Variants in PSMA1 observed in about 807,000 individuals in gnomAD.
PSMA1 encodes the protein proteasome subunit alpha type-1.
Under a neutral mutation model 38.4 loss-of-function variants are expected in PSMA1, and 3 were observed. That is an observed-to-expected ratio of 0.08 (90% CI 0.04 to 0.20). The LOEUF is 0.20. Among genes scored for constraint, PSMA1 ranks in the 10% least tolerant of loss-of-function variants. The probability of loss-of-function intolerance (pLI) is 1.00; values close to 1 mark genes in which losing one functional copy is unlikely to be tolerated. For synonymous variants in PSMA1, 101 were observed against 107.1 expected, an observed-to-expected ratio of 0.94 and a Z score of 0.35; for missense variants, 227 against 325.3, an observed-to-expected ratio of 0.70 and a Z score of 2.32.
chr11:14,624,417 G>C (rs1852886790), intron 1 of PSMA1, among the ~76,000 whole-genome samples: 1 of 152,136 alleles, frequency 6.6e-6, no homozygotes, highest in African/African-American at 2.4e-5. Flanking sequence ...ATCAGCAGGA[G>C]GAACACAATG....
intron 2 of PSMA1, among the ~76,000 whole-genome samples, chr11:14,529,026 C>A (rs1338132819): frequency 6.6e-6 from 1 of 151,696 alleles, no homozygotes; most frequent in Non-Finnish European, 1.5e-5. Context: ...TCACACAAAG[C>A]CTGTTTGGTG....
At chr11:14,642,358 G>A (rs1250000670) in intron 1 of PSMA1, among the ~76,000 whole-genome samples, 1 of 150,210 alleles carries the variant, frequency 6.7e-6, no homozygotes, top group Non-Finnish European at 1.5e-5. Context: ...TTGTCATGGG[G>A]ATAAAATGAC....
Position 14,608,130 on chromosome 11 carries a change from T to C in PSMA1, c.21+2836A>G, listed in dbSNP as rs570499369. 3.3e-5 allele frequency among the ~76,000 whole-genome samples: 5 copies of C among 152,174 alleles called. No homozygotes were observed. The East Asian group carries it at 5.8e-4, about 18-fold the overall frequency. On this transcript the variant is annotated intron_variant, in intron 2 of 10. Coordinates refer to the PSMA1 transcript ENST00000418988. ...ACTTTGGGAGGCTGAGGTGGAAGGA[T>C]CACTGAGGCCAGGAGTTTGAGACCA...
chr11:14,601,441 C>T (rs990247076), intron 2 of PSMA1, among the ~76,000 whole-genome samples: 5 of 152,170 alleles, frequency 3.3e-5, no homozygotes, highest in Non-Finnish European at 5.9e-5. Context: ...CAAAGGCTGC[C>T]GTTCTTCCAC....
chr11:14,627,499 G>A (rs117953880), intron 1 of PSMA1, among the ~76,000 whole-genome samples: 2,364 of 152,204 alleles, frequency 0.016, 34 homozygotes, highest in Non-Finnish European at 0.021. Context: ...CTGTTATAAC[G>A]GAAAGCACAT....
intron 2 of PSMA1, among the ~76,000 whole-genome samples, chr11:14,562,629 T>C (rs1852022704): frequency 7.0e-6 from 1 of 143,192 alleles, no homozygotes; most frequent in Non-Finnish European, 1.5e-5. Flanking sequence ...TTCATGAGCA[T>C]TTTTTTTTTT....
chr11:14,568,892 T>C lies in PSMA1; in HGVS notation c.21+42074A>G, dbSNP rs1369736882. Among the ~76,000 whole-genome samples, 3 of 152,170 alleles carry C rather than the reference T, an allele frequency of 2.0e-5. No individual in the cohort carries two copies. The East Asian group carries it at 5.8e-4, about 29-fold the overall frequency. ...CTGAATCTCACCTGTGTGCCACAAC[T>C]GGAGCTGAAGCAGCTGAGACACAGG... On this transcript the variant is annotated intron_variant, in intron 2 of 10. Coordinates refer to the PSMA1 transcript ENST00000418988.
chr11:14,605,535 C>G (rs1428231037), intron 2 of PSMA1, among the ~76,000 whole-genome samples: 1 of 152,072 alleles, frequency 6.6e-6, no homozygotes, highest in Non-Finnish European at 1.5e-5. Flanking sequence ...AGGCATGCAA[C>G]ACCATGCCTG....
intron 2 of PSMA1, among the ~76,000 whole-genome samples, chr11:14,552,144 G>C (rs1027992537): frequency 2.0e-5 from 3 of 152,180 alleles, no homozygotes; most frequent in Non-Finnish European, 4.4e-5. Context: ...AGGCTGGAGA[G>C]GGTGAGATGT....
At chr11:14,601,373 G>T (rs998902720) in intron 2 of PSMA1, among the ~76,000 whole-genome samples, 1 of 152,102 alleles carries the variant, frequency 6.6e-6, no homozygotes, top group Non-Finnish European at 1.5e-5. Context: ...TAGCCTCCTG[G>T]ATGCCCAGCT....
At chr11:14,522,141 AT>A (rs1392474086), upstream of PSMA1, among the ~76,000 whole-genome samples, 2 of 152,224 alleles carry the variant, frequency 1.3e-5, no homozygotes, top group Non-Finnish European at 2.9e-5. Flanking sequence ...ATTTTTAAAA[AT>A]AAGATGATAC....
intron 2 of PSMA1, among the ~76,000 whole-genome samples, chr11:14,593,325 A>G (rs748991756): frequency 1.3e-5 from 2 of 152,248 alleles, no homozygotes; most frequent in Admixed American, 6.5e-5. Context: ...GAAGGAAAGC[A>G]TCTACAACGC....
chr11:14,577,228 G>A (rs1288110581), intron 2 of PSMA1, among the ~76,000 whole-genome samples: 1 of 152,084 alleles, frequency 6.6e-6, no homozygotes, highest in Non-Finnish European at 1.5e-5. Context: ...CTATAAGATA[G>A]GTCACTATTA....
chr11:14,545,029 G>A (rs1376711503), intron 2 of PSMA1, among the ~76,000 whole-genome samples: 1 of 152,192 alleles, frequency 6.6e-6, no homozygotes, highest in Non-Finnish European at 1.5e-5. Context: ...AGAAGATGGA[G>A]TGGAGTAGAG....
chr11:14,622,069 C>T lies in PSMA1; in HGVS notation c.-165-10918G>A, dbSNP rs187295722. On this transcript the variant is annotated intron_variant, in intron 1 of 10. Transcript: ENST00000418988. ...ATACATATAGAATACCTGCTAGGTC[C>T]TAGATGCTCTAGACAGAAAAGTATG... 3.0e-4 allele frequency among the ~76,000 whole-genome samples: 46 copies of T among 152,244 alleles called. No individual in the cohort carries two copies. In the South Asian group the frequency reaches 4.2e-3, roughly 14 times the overall value.
chr11:14,579,667 G>C (rs939940370), intron 2 of PSMA1, among the ~76,000 whole-genome samples: 13 of 151,838 alleles, frequency 8.6e-5, no homozygotes, highest in Non-Finnish European at 1.8e-4. Context: ...AGTATGTCTT[G>C]ATTAGAGTTT....
intron 2 of PSMA1, among the ~76,000 whole-genome samples, chr11:14,590,406 A>G (rs1324228505): frequency 1.3e-5 from 2 of 152,202 alleles, no homozygotes; most frequent in African/African-American, 4.8e-5. Context: ...TTAGTTTTCA[A>G]AAGAGTCACA....
intron 1 of PSMA1, among the ~76,000 whole-genome samples, chr11:14,632,237 A>G (rs1305214234): frequency 6.0e-5 from 9 of 148,794 alleles, no homozygotes; most frequent in Admixed American, 6.0e-4. Context: ...TTTGCTCGTT[A>G]GTTGATGCAG....
intron 2 of PSMA1, among the ~76,000 whole-genome samples, chr11:14,536,583 TA>T (rs1258672954): frequency 6.6e-6 from 1 of 150,954 alleles, no homozygotes; most frequent in Non-Finnish European, 1.5e-5. Context: ...CTTCCTCTAA[TA>T]GGACAAAGGC....
Sources: allele counts gnomAD v4.1 joint callset (sites outside exome capture counted in the v4.1 genomes callset), GRCh38; gene constraint gnomAD v4.1.1; transcripts MANE v1.5; gene names NCBI Gene and HGNC (gene_info 2026-07-23, HGNC 2026-07-21).